The following BLZF1 variants were observed in gnomAD, a reference collection of about 807,000 sequenced individuals.
The protein encoded by BLZF1 is basic leucine zipper nuclear factor 1, also known as golgin-45.
Under a neutral mutation model 43.8 loss-of-function variants are expected in BLZF1, and 39 were observed. The ratio of observed to expected loss-of-function variants is 0.89; its 90% CI spans 0.69 to 1.16. The LOEUF (loss-of-function observed/expected upper bound fraction) is 1.16. Among genes scored for constraint, BLZF1 ranks in the 50% most tolerant of loss-of-function variants. BLZF1 has a pLI of 0.00. For missense variants in BLZF1, 449 were observed against 469.8 expected, an observed-to-expected ratio of 0.96 and a Z score of 0.41; for synonymous variants, 136 against 159.4, an observed-to-expected ratio of 0.85 and a Z score of 1.11.
At chr1:169,390,205 T>C (rs112020324), downstream of BLZF1, among the ~76,000 whole-genome samples, 1 of 616 alleles carries the variant, frequency 1.6e-3, no homozygotes, top group African/African-American at 0.016. Flanking sequence ...TCAATAACAA[T>C]AATAATAAAG....
downstream of BLZF1, among the ~76,000 whole-genome samples, chr1:169,391,737 G>C (rs1301584334): frequency 6.6e-6 from 1 of 152,198 alleles, no homozygotes; most frequent in Non-Finnish European, 1.5e-5. Context: ...TCTGAGTCCT[G>C]AAGGCCTTCC....
In BLZF1 at chr1:169,387,374, A is replaced by G; in HGVS notation, c.*192A>G. On this transcript the variant is annotated 3_prime_UTR_variant, in exon 7 of 7. Transcript: ENST00000367808. ...ATAAATATCTCAGGGTAAGGAAAGA[A>G]AGAAACTGTATAGATATATTTAAAA... The G allele has an allele frequency of 2.0e-6, 1 of 511,106 alleles. No individual in the cohort carries two copies. Among genetic ancestry groups the G allele is most frequent in the South Asian group, 3.1e-5 (1 of 32,072 alleles). 31.7% of individuals were successfully genotyped at this position (511,106 alleles called of 1,614,324 possible). A position where few individuals can be genotyped will look rare whatever the true frequency, so the allele number is the denominator to read the frequency against.
intron 6 of BLZF1, among the ~76,000 whole-genome samples, chr1:169,385,370 T>A (rs972256079): frequency 3.3e-5 from 5 of 152,162 alleles, no homozygotes; most frequent in African/African-American, 1.2e-4. Flanking sequence ...TTATGTCTGC[T>A]TATGCATACT....
intron 7 of BLZF1, among the ~76,000 whole-genome samples, chr1:169,394,409 T>C (rs1654902258): frequency 6.6e-6 from 1 of 152,160 alleles, no homozygotes; most frequent in Admixed American, 6.5e-5. Context: ...GGTCCGGGTA[T>C]GATTGGTCCC....
At chr1:169,375,981 A>G (rs1654327973) in intron 2 of BLZF1, among the ~76,000 whole-genome samples, 1 of 152,040 alleles carries the variant, frequency 6.6e-6, no homozygotes, top group Admixed American at 6.6e-5. Context: ...CACTTGTGTA[A>G]GCAGGACATA....
downstream of BLZF1, among the ~76,000 whole-genome samples, chr1:169,392,373 G>C (rs1011376551): frequency 3.3e-5 from 5 of 152,338 alleles, no homozygotes; most frequent in African/African-American, 4.8e-5. Context: ...ACAGTGGGCT[G>C]TTGGCACAAG....
intron 6 of BLZF1, among the ~76,000 whole-genome samples, chr1:169,383,546 A>G (rs1252960615): frequency 6.6e-6 from 1 of 152,092 alleles, no homozygotes. Flanking sequence ...CTCAATTCCT[A>G]CCGTCACTTA....
chr1:169,396,120 A>T (rs1481370169), exon 8 of BLZF1: 1 of 152,224 alleles, frequency 6.6e-6, no homozygotes, highest in East Asian at 1.9e-4. Flanking sequence ...TTGTAAATAC[A>T]TGTACAGACA....
chr1:169,382,238 C>T lies in BLZF1; in HGVS notation c.974C>T (p.Thr325Ile), dbSNP rs755429516. The T allele has an allele frequency of 1.2e-6, 2 of 1,613,772 alleles. No individual in the cohort carries two copies. The highest frequency in any genetic ancestry group is 1.7e-6 in the Non-Finnish European group (2 of 1,179,726). ...GINNQKKIPS[T>I]VEFCSTPAEK... ...AACAATCAAAAAAAGATTCCATCAA[C>T]AGTTGAATTCTGCAGCACCCCAGCT... The change falls in exon 6 of 7, where the codon ACA (threonine) becomes ATA (isoleucine). Residue 325 changes from threonine (T) to isoleucine (I), a missense_variant. Physicochemically the swap from Thr to Ile is moderately conservative, Grantham distance 89. Transcript: ENST00000367808.
Position 169,393,519 on chromosome 1 carries a change from G to T in BLZF1, c.*28-2375G>T, listed in dbSNP as rs147303818. Among the ~76,000 whole-genome samples, 222 of 151,726 alleles carry T rather than the reference G, an allele frequency of 1.5e-3. 2 individuals are homozygous for T. The highest frequency in any genetic ancestry group is 5.1e-3 in the African/African-American group (210 of 41,460). ...GCAGGAGAATCACTTGAACCCGGGA[G>T]GTGGAGGTTGCAGTGAGCTGAGATG... On this transcript the variant is annotated intron_variant, in intron 7 of 7. Transcript: ENST00000329281.
Position 169,378,417 on chromosome 1 carries a change from C to A in BLZF1, c.556C>A (p.Gln186Lys). The A allele has an allele frequency of 6.2e-7, 1 of 1,613,004 alleles. No homozygotes were observed. Among genetic ancestry groups the A allele is most frequent in the Non-Finnish European group, 8.5e-7 (1 of 1,179,184 alleles). Residue 186 changes from glutamine to lysine, a missense_variant, in exon 4 of 7, where the codon CAG becomes AAG. Physicochemically the swap from Gln to Lys is moderately conservative, Grantham distance 53. Transcript: ENST00000367808. The part of the protein sequence containing the change: ...HFERLAREKN[Q>K]LILENEALGR... Reference sequence around the variant, plus strand: ...TGAACGTCTAGCCCGTGAGAAAAATCAGCTTATTTTAGAAAATGAAGCCCT... The same window carrying A: ...TGAACGTCTAGCCCGTGAGAAAAATAAGCTTATTTTAGAAAATGAAGCCCT...
At chr1:169,377,032 T>C (rs1654381034) in intron 3 of BLZF1, 53 bp downstream of exon 3, 1 of 1,415,710 alleles carries the variant, frequency 7.1e-7, no homozygotes, top group African/African-American at 1.5e-5. Flanking sequence ...GTCTGGACCT[T>C]TTAAACGTGC....
chr1:169,394,429 G>A (rs1182158377), intron 7 of BLZF1, among the ~76,000 whole-genome samples: 1 of 152,090 alleles, frequency 6.6e-6, no homozygotes, highest in Admixed American at 6.5e-5. Flanking sequence ...CATCACCCAG[G>A]TAAAGAACAT....
chr1:169,376,978 A>G lies in BLZF1; in HGVS notation c.467A>G (p.Glu156Gly). The G allele has an allele frequency of 6.2e-7, 1 of 1,610,518 alleles. No homozygotes were observed. The highest frequency in any genetic ancestry group is 8.5e-7 in the Non-Finnish European group (1 of 1,178,212). Residue 156 changes from glutamate (E) to glycine (G), a missense_variant and splice_region_variant, in exon 3 of 7, where the codon GAG (glutamate) becomes GGG (glycine). Glu to Gly is a moderately conservative substitution (Grantham distance 98). Transcript: ENST00000367808. ...TCAAACCAGCTCCGTGTACAGACAG[A>G]GGTAAGAAGAGCCTTAATCGATAAA... ...GLSNQLRVQT[E>G]VNRELKKLLV...
At chr1:169,378,550 T>G in intron 4 of BLZF1, 21 bp downstream of exon 4, 1 of 1,605,016 alleles carries the variant, frequency 6.2e-7, no homozygotes, top group Non-Finnish European at 8.5e-7. Context: ...CAGCAAATAG[T>G]ATTTCACTTC....
chr1:169,389,748 A>G (rs544808480), downstream of BLZF1, among the ~76,000 whole-genome samples: 2 of 152,258 alleles, frequency 1.3e-5, no homozygotes, highest in Non-Finnish European at 2.9e-5. Context: ...TGGTATATAC[A>G]TGTGAAGAAA....
At chr1:169,380,009 G>T (rs891267589) in intron 4 of BLZF1, among the ~76,000 whole-genome samples, 1 of 151,702 alleles carries the variant, frequency 6.6e-6, no homozygotes, top group South Asian at 2.1e-4. Context: ...AAAAAACTTT[G>T]TTGACTGCAT....
rs1654032500 is a variant in BLZF1, at chr1:169,369,499, A to G, written c.-24A>G. 6.2e-7 allele frequency: 1 copy of G among 1,606,420 alleles called. No individual in the cohort carries two copies. The highest frequency in any genetic ancestry group is 1.7e-5 in the Admixed American group (1 of 59,222). On this transcript the variant is annotated 5_prime_UTR_variant, in exon 2 of 7. Coordinates refer to ENST00000367808, the MANE Select transcript of BLZF1 (RefSeq NM_001320973.2). ...TTGTTCAGCAGAAGTCTTGGAGTGC[A>G]TTTTCAGTGGTTAAGGTGAAAAAAT... is the stretch of plus-strand genomic sequence containing the variant.
intron 2 of BLZF1, among the ~76,000 whole-genome samples, chr1:169,374,531 G>A (rs1008662020): frequency 1.3e-5 from 2 of 152,070 alleles, no homozygotes; most frequent in South Asian, 2.1e-4. Flanking sequence ...GAAATGACAC[G>A]ATTTTATTCT....
Sources: gnomAD v4.1 joint callset for allele counts (sites outside exome capture counted in the v4.1 genomes callset) on GRCh38, gnomAD v4.1.1 for gene constraint, MANE v1.5 for transcripts, NCBI Gene and HGNC (gene_info 2026-07-23, HGNC 2026-07-21) for gene names.